The following CMTM4 variants were observed in gnomAD, a reference collection of about 807,000 sequenced individuals.
The protein encoded by CMTM4 is CKLF like MARVEL transmembrane domain containing 4, also known as CKLF-like MARVEL transmembrane domain-containing protein 4.
CMTM4 carries 8 observed loss-of-function variants against 19.0 expected under a neutral mutation model. The observed-to-expected ratio is 0.42, with a 90% CI of 0.25 to 0.76. The LOEUF (loss-of-function observed/expected upper bound fraction) is 0.76. Among genes scored for constraint, CMTM4 ranks in the 30% least tolerant of loss-of-function variants. The pLI is 0.27. For synonymous variants in CMTM4, 106 were observed against 121.1 expected, an observed-to-expected ratio of 0.88 and a Z score of 0.82; for missense variants, 228 against 290.2, an observed-to-expected ratio of 0.79 and a Z score of 1.56.
chr16:66,689,448 GTT>G (rs967359203), intron 1 of CMTM4, among the ~76,000 whole-genome samples: 52 of 152,188 alleles, frequency 3.4e-4, no homozygotes, highest in Middle Eastern at 3.4e-3. Flanking sequence ...GTCTCACTCT[GTT>G]GCCCAGGCTG....
chr16:66,631,800 C>T (rs952721931), intron 2 of CMTM4, among the ~76,000 whole-genome samples: 1 of 152,172 alleles, frequency 6.6e-6, no homozygotes, highest in Admixed American at 6.5e-5. Context: ...CTGCGGAAGG[C>T]CACAGGGTCC....
intron 1 of CMTM4, among the ~76,000 whole-genome samples, chr16:66,668,582 A>T (rs898812323): frequency 6.6e-6 from 1 of 152,192 alleles, no homozygotes; most frequent in African/African-American, 2.4e-5. Flanking sequence ...TTAAAGTGTC[A>T]TAATATTATG....
intron 1 of CMTM4, among the ~76,000 whole-genome samples, chr16:66,651,032 G>A (rs952653055): frequency 2.6e-5 from 4 of 152,172 alleles, no homozygotes; most frequent in South Asian, 2.1e-4. Flanking sequence ...TCTGAAAGAC[G>A]AGACAGGGCT....
chr16:66,612,446 G>A (rs927269809), downstream of CMTM4, among the ~76,000 whole-genome samples: 10 of 151,878 alleles, frequency 6.6e-5, no homozygotes, highest in Admixed American at 3.9e-4. This position sits in a 1 kb window ranked among gnomAD's most constrained non-coding sequence, Gnocchi z 6.0. Context: ...CCTCAGGCCC[G>A]CGGCCTGCCC....
the CMTM4 span, chr16:66,604,880 C>T: frequency 7.0e-7 from 1 of 1,426,124 alleles, no homozygotes; most frequent in Non-Finnish European, 9.1e-7. Flanking sequence ...CCGCGGTCCC[C>T]GGGCTCCGCG....
chr16:66,629,276 C>T (rs1444211698), intron 2 of CMTM4, among the ~76,000 whole-genome samples: 1 of 152,192 alleles, frequency 6.6e-6, no homozygotes, highest in African/African-American at 2.4e-5. Context: ...GAGACAAGAA[C>T]GTTTGCAAGC....
At chr16:66,666,116 GAGAA>G (rs1055940624) in intron 1 of CMTM4, among the ~76,000 whole-genome samples, 23 of 150,694 alleles carry the variant, frequency 1.5e-4, no homozygotes, top group Admixed American at 2.7e-4. Flanking sequence ...AGGAAAGAAA[GAGAA>G]AGAAAGAAAG....
downstream of CMTM4, among the ~76,000 whole-genome samples, chr16:66,614,308 G>A (rs926944628): frequency 1.3e-5 from 2 of 152,176 alleles, no homozygotes; most frequent in Non-Finnish European, 2.9e-5. The surrounding 1 kb of genome is among the most constrained non-coding windows in gnomAD (Gnocchi z 4.9). Context: ...GACAGAGGTC[G>A]GGTAACTGGC....
downstream of CMTM4, chr16:66,613,982 G>T (rs2015478776): frequency 7.0e-6 from 1 of 143,598 alleles, no homozygotes; most frequent in Admixed American, 6.9e-5. Context: ...GTGGGTTGGG[G>T]TGAGGGTGGG....
chr16:66,694,118 GAAC>G (rs1354354609), intron 1 of CMTM4, among the ~76,000 whole-genome samples: 1 of 152,044 alleles, frequency 6.6e-6, no homozygotes, highest in Non-Finnish European at 1.5e-5. Context: ...AAAAAGAAAA[GAAC>G]AACGCTACAA....
intron 1 of CMTM4, among the ~76,000 whole-genome samples, chr16:66,684,242 G>A (rs565345825): frequency 3.3e-5 from 5 of 152,016 alleles, no homozygotes; most frequent in Admixed American, 6.6e-5. Context: ...GCATGATCTC[G>A]GCTTACTGAA....
At chr16:66,667,288 G>A (rs547473342) in intron 1 of CMTM4, among the ~76,000 whole-genome samples, 1 of 151,858 alleles carries the variant, frequency 6.6e-6, no homozygotes, top group African/African-American at 2.4e-5. Context: ...TGGCACCACA[G>A]CACTCCAGCC....
At chr16:66,607,658 A>G in the CMTM4 span, among the ~76,000 whole-genome samples, 1 of 152,078 alleles carries the variant, frequency 6.6e-6, no homozygotes, top group African/African-American at 2.4e-5. Context: ...CTTTTTGGAA[A>G]CTGGTTCCTG....
intron 1 of CMTM4, among the ~76,000 whole-genome samples, chr16:66,651,303 T>C (rs945802455): frequency 6.6e-6 from 1 of 152,120 alleles, no homozygotes; most frequent in African/African-American, 2.4e-5. Context: ...ATACACACGC[T>C]AAACAACAGA....
intron 1 of CMTM4, among the ~76,000 whole-genome samples, chr16:66,678,999 T>C (rs2144897853): frequency 6.6e-6 from 1 of 151,328 alleles, no homozygotes; most frequent in East Asian, 1.9e-4. Context: ...CTTGGGGGGC[T>C]GAGGTGGGAG....
rs754303799 is a variant in CMTM4 at position 66,636,529 on chromosome 16, G to A, written c.239C>T (p.Pro80Leu). ...CTCAAAAAAGTAGAGGCCTTCACAC[G>A]GGGAGCATGCCATGATGGTCTCTAT... The part of the protein sequence containing the change: ...ICIETIMACS[P>L]CEGLYFFEFV... The change falls in exon 2 of 4, where the codon CCG becomes CTG. Residue 80 changes from proline to leucine, a missense_variant. Coordinates refer to ENST00000394106, the MANE Select transcript of CMTM4 (RefSeq NM_181521.3). 26 of 1,614,038 alleles carry A rather than the reference G, an allele frequency of 1.6e-5. No homozygotes were observed. In the Middle Eastern group the frequency reaches 4.9e-4, roughly 31 times the overall value.
intron 1 of CMTM4, among the ~76,000 whole-genome samples, chr16:66,645,342 G>A (rs901460243): frequency 2.0e-5 from 3 of 151,860 alleles, no homozygotes; most frequent in African/African-American, 4.8e-5. Context: ...CACTTTGGGA[G>A]GCCAAGGCGG....
At position 66,620,539 on chromosome 16, in the gene CMTM4, ACGCC is replaced by A. The variant is rs2015611399; in HGVS notation, c.*1515_*1518del. On this transcript the variant is annotated 3_prime_UTR_variant, in exon 4 of 4. Coordinates refer to ENST00000394106, the MANE Select transcript of CMTM4 (RefSeq NM_181521.3). ...ATGCTGTCCTTTTCTGGGGAATGAG[ACGCC>A]ACATGTCCATAAGGTGACGCTTTCT... is the stretch of plus-strand genomic sequence containing the variant. The A allele has an allele frequency of 3.0e-6, 3 of 985,304 alleles. No individual in the cohort carries two copies. The South Asian group carries it at 1.4e-4, about 46-fold the overall frequency. The allele number at this position is 985,304 out of a possible 1,614,324, so 61.0% of individuals were successfully genotyped here.
At position 66,696,347 on chromosome 16, in the gene CMTM4, G is replaced by A. The variant is rs998691716; in HGVS notation, c.179C>T (p.Ala60Val). 4 of 1,409,480 alleles carry A rather than the reference G, an allele frequency of 2.8e-6. No individual in the cohort carries two copies. The highest frequency in any genetic ancestry group is 2.6e-4 in the Middle Eastern group (1 of 3,874). 87.3% of individuals were successfully genotyped at this position (1,409,480 alleles called of 1,614,324 possible). Residue 60 changes from alanine (A) to valine (V), a missense_variant, in exon 1 of 4, where the codon GCC becomes GTC. Ala to Val is a moderately conservative substitution (Grantham distance 64). Transcript: ENST00000394106. The surrounding 1 kb of genome is among the most constrained non-coding windows in gnomAD (Gnocchi z 4.3). ...GCCCCGCCCGGCACCTACCACTTGG[G>A]CGACCTTGAGGCGGCCGAGCGCGCC... ...LRGALGRLKVAQVILALIAFI... is the reference protein window; with the variant it reads ...LRGALGRLKVVQVILALIAFI...
Sources: gnomAD v4.1 joint callset for allele counts (sites outside exome capture counted in the v4.1 genomes callset) on GRCh38, gnomAD v4.1.1 for gene constraint, Gnocchi (gnomAD v3.1) non-coding constraint, MANE v1.5 for transcripts, NCBI Gene and HGNC (gene_info 2026-07-23, HGNC 2026-07-21) for gene names.